NRXN1: variants seen among roughly 807,000 people sequenced by gnomAD.
NRXN1 encodes neurexin-1.
In NRXN1, 39 loss-of-function variants were observed where a neutral mutation model predicts 150.9. The ratio of observed to expected loss-of-function variants is 0.26; its 90% CI spans 0.20 to 0.34. The LOEUF is 0.34. Among genes scored for constraint, NRXN1 ranks in the 10% least tolerant of loss-of-function variants. NRXN1 has a pLI of 1.00. For missense variants in NRXN1, 1,815 were observed against 1,949.9 expected, an observed-to-expected ratio of 0.93 and a Z score of 1.30; for synonymous variants, 924 against 757.0, an observed-to-expected ratio of 1.22 and a Z score of -3.62.
intron 18 of NRXN1, among the ~76,000 whole-genome samples, chr2:50,231,506 A>G (rs901767998): frequency 3.3e-5 from 5 of 152,108 alleles, no homozygotes; most frequent in Admixed American, 2.6e-4. Context: ...ATCAAAATCA[A>G]TTAAGAGCTT....
At chr2:51,026,192 C>A (rs543964745) in intron 2 of NRXN1, among the ~76,000 whole-genome samples, 1 of 152,330 alleles carries the variant, frequency 6.6e-6, no homozygotes, top group African/African-American at 2.4e-5. Flanking sequence ...CCACACAGAG[C>A]TTTTGTCCCT....
At chr2:50,436,414 T>C (rs996785096) in intron 17 of NRXN1, among the ~76,000 whole-genome samples, 8 of 151,578 alleles carry the variant, frequency 5.3e-5, no homozygotes, top group African/African-American at 1.7e-4. Flanking sequence ...GATAGTGCTA[T>C]TGCACTCCAG....
chr2:50,741,522 CTAT>C (rs1484967571), intron 5 of NRXN1, among the ~76,000 whole-genome samples: 1 of 152,140 alleles, frequency 6.6e-6, no homozygotes. Flanking sequence ...TTTATCTTTT[CTAT>C]TATAATGAAT....
intron 12 of NRXN1, among the ~76,000 whole-genome samples, chr2:50,508,254 T>A (rs146779756): frequency 6.6e-6 from 1 of 152,176 alleles, no homozygotes; most frequent in African/African-American, 2.4e-5. Flanking sequence ...TCTGTTTGTA[T>A]CTTTAGAGAA....
At chr2:50,962,863 A>G (rs927859553) in intron 2 of NRXN1, among the ~76,000 whole-genome samples, 1 of 151,646 alleles carries the variant, frequency 6.6e-6, no homozygotes, top group African/African-American at 2.4e-5. Context: ...TCAGTCAACC[A>G]GCAAGTACTG....
intron 18 of NRXN1, among the ~76,000 whole-genome samples, chr2:50,212,420 T>G (rs1425958660): frequency 6.7e-6 from 1 of 149,168 alleles, no homozygotes; most frequent in African/African-American, 2.5e-5. Flanking sequence ...AAGGCCTGTG[T>G]GTGACCCTAC....
At chr2:50,787,912 T>C (rs1705362836) in intron 5 of NRXN1, among the ~76,000 whole-genome samples, 1 of 152,058 alleles carries the variant, frequency 6.6e-6, no homozygotes, top group Non-Finnish European at 1.5e-5. Flanking sequence ...CTTCTCAGCA[T>C]GTCATAAGGA....
chr2:50,501,624 AG>A (rs1475432270), intron 13 of NRXN1, among the ~76,000 whole-genome samples: 1 of 150,520 alleles, frequency 6.6e-6, no homozygotes, highest in African/African-American at 2.4e-5. Flanking sequence ...TGTTCCATAA[AG>A]GACATACACA....
At chr2:50,452,035 C>G (rs1301307093) in intron 17 of NRXN1, among the ~76,000 whole-genome samples, 1 of 151,988 alleles carries the variant, frequency 6.6e-6, no homozygotes, top group East Asian at 1.9e-4. Context: ...TCTGCATTCG[C>G]AAAATATTTC....
At chr2:50,435,176 A>G (rs2085319327) in intron 17 of NRXN1, among the ~76,000 whole-genome samples, 1 of 152,308 alleles carries the variant, frequency 6.6e-6, no homozygotes, top group South Asian at 2.1e-4. Context: ...CTGAATAACT[A>G]AGAAGATTCT....
chr2:50,947,956 C>T (rs1010284029), intron 2 of NRXN1, among the ~76,000 whole-genome samples: 1 of 151,880 alleles, frequency 6.6e-6, no homozygotes, highest in Non-Finnish European at 1.5e-5. Flanking sequence ...TGGTTCCTAC[C>T]ATATTCCATT....
chr2:50,577,634 T>C (rs979878951), intron 8 of NRXN1, among the ~76,000 whole-genome samples: 2 of 152,210 alleles, frequency 1.3e-5, no homozygotes, highest in South Asian at 2.1e-4. Context: ...TCTATTGTTA[T>C]GATCAACAAC....
chr2:50,127,254 A>G (rs1704730896), intron 18 of NRXN1, among the ~76,000 whole-genome samples: 1 of 152,122 alleles, frequency 6.6e-6, no homozygotes, highest in Non-Finnish European at 1.5e-5. Flanking sequence ...AGAAAAATTA[A>G]AATATGTTCT....
intron 5 of NRXN1, among the ~76,000 whole-genome samples, chr2:50,850,948 T>C (rs935575203): frequency 2.6e-5 from 4 of 152,212 alleles, no homozygotes; most frequent in Admixed American, 2.6e-4. Flanking sequence ...GTGTTCATTG[T>C]TATTTTTGAA....
At chr2:50,519,754 T>A (rs569424843) in intron 12 of NRXN1, among the ~76,000 whole-genome samples, 34 of 152,038 alleles carry the variant, frequency 2.2e-4, no homozygotes, top group African/African-American at 7.9e-4. Flanking sequence ...TTTCTCATGA[T>A]CTTGTTCACA....
chr2:50,252,508 C>T (rs1419714182), intron 17 of NRXN1, among the ~76,000 whole-genome samples: 1 of 152,060 alleles, frequency 6.6e-6, no homozygotes, highest in Non-Finnish European at 1.5e-5. Flanking sequence ...ATCCACCCAC[C>T]TCTGCCTCCC....
chr2:50,099,524 G>A (rs1700719470), intron 18 of NRXN1, among the ~76,000 whole-genome samples: 1 of 152,000 alleles, frequency 6.6e-6, no homozygotes, highest in Admixed American at 6.6e-5. Flanking sequence ...ATGAGATAAT[G>A]CATACAAAAT....
rs550292757 is a variant in NRXN1, at chr2:50,162,201, C to T, written c.3547-70707G>A. 3.9e-5 allele frequency among the ~76,000 whole-genome samples: 6 copies of T among 152,074 alleles called. No individual in the cohort carries two copies. In the South Asian group the frequency reaches 1.2e-3, roughly 32 times the overall value. ...CATGAAACTGATCTATCATTCAGGA[C>T]AATAAACTAAATAAGAACTAGGCGT... On this transcript the variant is annotated intron_variant, in intron 18 of 22. Transcript: ENST00000401669.
chr2:50,333,139 A>G (rs974497568), intron 17 of NRXN1, among the ~76,000 whole-genome samples: 1 of 151,994 alleles, frequency 6.6e-6, no homozygotes. Context: ...TGATCTACTC[A>G]TCTCTTTGAT....
Sources: gnomAD v4.1 joint callset for allele counts (sites outside exome capture counted in the v4.1 genomes callset) on GRCh38, gnomAD v4.1.1 for gene constraint, MANE v1.5 for transcripts, NCBI Gene and HGNC (gene_info 2026-07-23, HGNC 2026-07-21) for gene names.